SP4: variants seen among roughly 807,000 people sequenced by gnomAD.
SP4 encodes the protein transcription factor Sp4.
In SP4, 19 loss-of-function variants were observed where a neutral mutation model predicts 72.8. The ratio of observed to expected loss-of-function variants is 0.26; its 90% CI spans 0.18 to 0.38. The LOEUF is 0.38. Among genes scored for constraint, SP4 ranks in the 10% least tolerant of loss-of-function variants. The pLI is 1.00. For missense variants in SP4, 1,008 were observed against 926.3 expected, an observed-to-expected ratio of 1.09 and a Z score of -1.14; for synonymous variants, 395 against 333.1, an observed-to-expected ratio of 1.19 and a Z score of -2.02.
chr7:21,473,085 C>CT (rs1562610468), intron 3 of SP4, among the ~76,000 whole-genome samples: 1 of 152,132 alleles, frequency 6.6e-6, no homozygotes, highest in Non-Finnish European at 1.5e-5. Context: ...CAGAACACTA[C>CT]TTTTTTATTT....
intron 5 of SP4, among the ~76,000 whole-genome samples, chr7:21,494,683 A>G (rs1348638962): frequency 1.3e-5 from 2 of 152,212 alleles, no homozygotes; most frequent in African/African-American, 2.4e-5. Flanking sequence ...ATGGCCCAAT[A>G]TTGTTTCCAT....
rs1465064960 is a variant in SP4 at position 21,514,448 on chromosome 7, T to C, written c.*3179T>C. On this transcript the variant is annotated 3_prime_UTR_variant, in exon 6 of 6. Transcript: ENST00000222584. The stretch of plus-strand genomic sequence containing the variant: ...CTACATAATGATTTTAAAACAGAAA[T>C]AGTTGATGGTAAAATGTAAATGTTT... The C allele has an allele frequency of 1.3e-5, 2 of 151,570 alleles. No individual in the cohort carries two copies. The highest frequency in any genetic ancestry group is 2.4e-5 in the African/African-American group (1 of 41,036). 9.4% of individuals were successfully genotyped at this position (151,570 alleles called of 1,614,324 possible). A position where few individuals can be genotyped will look rare whatever the true frequency, so the allele number is the denominator to read the frequency against.
chr7:21,491,822 C>G (rs1337785469), intron 5 of SP4, among the ~76,000 whole-genome samples: 2 of 152,064 alleles, frequency 1.3e-5, no homozygotes, highest in East Asian at 1.9e-4. Flanking sequence ...AAGATACTTC[C>G]AAAGGAAAAC....
Position 21,428,199 on chromosome 7 carries a change from C to CCCCCCCCCACAA in SP4, c.-53_-52insCCCCCCCCACAA. 1 of 1,119,140 alleles carries CCCCCCCCCACAA rather than the reference C, an allele frequency of 8.9e-7. No individual in the cohort carries two copies. The allele number at this position is 1,119,140 out of a possible 1,614,324, so 69.3% of individuals were successfully genotyped here. A position where few individuals can be genotyped will look rare whatever the true frequency, so the allele number is the denominator to read the frequency against. ...TCTCCTCCCGCCTCGCCCCCACCCCCACCCACCTCTATCCCAGTGTCTCCG... is the reference window on the plus strand; with the variant it reads ...TCTCCTCCCGCCTCGCCCCCACCCCCCCCCCCCCACAAACCCACCTCTATCCCAGTGTCTCCG... On this transcript the variant is annotated 5_prime_UTR_variant, in exon 1 of 6. Coordinates refer to ENST00000222584, the MANE Select transcript of SP4 (RefSeq NM_003112.5).
At chr7:21,437,086 T>TA (rs1303049456) in intron 3 of SP4, among the ~76,000 whole-genome samples, 1 of 152,206 alleles carries the variant, frequency 6.6e-6, no homozygotes, top group Non-Finnish European at 1.5e-5. Flanking sequence ...ATCAATAACT[T>TA]AAAATTTATG....
At chr7:21,486,674 CATT>C (rs1182724594) in intron 5 of SP4, among the ~76,000 whole-genome samples, 3 of 152,110 alleles carry the variant, frequency 2.0e-5, no homozygotes, top group African/African-American at 7.2e-5. Context: ...GTGATTATCT[CATT>C]ATTGGTGATG....
intron 3 of SP4, among the ~76,000 whole-genome samples, chr7:21,460,031 T>C (rs1483579793): frequency 6.6e-6 from 1 of 152,202 alleles, no homozygotes; most frequent in Non-Finnish European, 1.5e-5. Context: ...ATGAATCTTC[T>C]GAGAGCCAGG....
chr7:21,448,851 A>G (rs375442379), intron 3 of SP4, among the ~76,000 whole-genome samples: 5 of 152,330 alleles, frequency 3.3e-5, no homozygotes, highest in African/African-American at 1.2e-4. Context: ...TATATAGTGC[A>G]TGTTCAGTAA....
intron 4 of SP4, among the ~76,000 whole-genome samples, chr7:21,478,153 A>G (rs754265177): frequency 2.3e-4 from 35 of 152,198 alleles, no homozygotes; most frequent in Non-Finnish European, 4.6e-4. Context: ...TTCTTTTAGC[A>G]TAATGTTTTC....
intron 3 of SP4, among the ~76,000 whole-genome samples, chr7:21,431,441 A>G (rs768762174): frequency 3.3e-5 from 5 of 152,228 alleles, no homozygotes; most frequent in Non-Finnish European, 5.9e-5. Context: ...TTATGCTACT[A>G]TCAGGATTTG....
At chr7:21,483,721 T>C (rs1174557796) in intron 5 of SP4, among the ~76,000 whole-genome samples, 1 of 151,906 alleles carries the variant, frequency 6.6e-6, no homozygotes, top group East Asian at 1.9e-4. Context: ...ACCAATGCTC[T>C]TACTATATTA....
At chr7:21,486,281 G>A (rs771474934) in intron 5 of SP4, among the ~76,000 whole-genome samples, 13 of 151,552 alleles carry the variant, frequency 8.6e-5, no homozygotes, top group East Asian at 7.7e-4. Context: ...CATAGAGTTC[G>A]CATATCATTC....
At chr7:21,431,935 A>G (rs757700607) in intron 3 of SP4, among the ~76,000 whole-genome samples, 26 of 152,234 alleles carry the variant, frequency 1.7e-4, no homozygotes, top group Admixed American at 3.9e-4. Flanking sequence ...TGAAGTAGGC[A>G]TATATATGTA....
intron 3 of SP4, among the ~76,000 whole-genome samples, chr7:21,450,006 A>T (rs1042763330): frequency 6.6e-6 from 1 of 151,894 alleles, no homozygotes; most frequent in African/African-American, 2.4e-5. Context: ...TAATATAGTT[A>T]TTTATATTTT....
In SP4 at chr7:21,430,264, G is replaced by A; in HGVS notation, c.1099G>A (p.Ala367Thr). 1.9e-6 allele frequency: 3 copies of A among 1,614,232 alleles called. No homozygotes were observed. Among genetic ancestry groups the A allele is most frequent in the Non-Finnish European group, 2.5e-6 (3 of 1,180,050 alleles). Residue 367 changes from alanine (A) to threonine (T), a missense_variant, in exon 3 of 6, where the codon GCT (alanine) becomes ACT (threonine). By Grantham distance (58) the Ala-to-Thr change is moderately conservative. Around this residue, in one of 3 missense-constraint regions of SP4, gnomAD observed 893 missense variants for 743.3 expected, o/e 1.20. Transcript: ENST00000222584. Reference protein sequence around the residue: ...RTIEESQTPAATESEAQSSSQ... With the variant: ...RTIEESQTPATTESEAQSSSQ... ...CATTGAAGAATCTCAAACACCTGCTGCTACTGAGTCTGAAGCCCAGAGCTC... is the reference window on the plus strand; with the variant it reads ...CATTGAAGAATCTCAAACACCTGCTACTACTGAGTCTGAAGCCCAGAGCTC...
At chr7:21,459,785 C>G (rs538717426) in intron 3 of SP4, among the ~76,000 whole-genome samples, 1 of 152,340 alleles carries the variant, frequency 6.6e-6, no homozygotes, top group East Asian at 1.9e-4. Flanking sequence ...CTTACCACTT[C>G]TCAACTGCAT....
intron 5 of SP4, among the ~76,000 whole-genome samples, chr7:21,491,352 A>G (rs925320689): frequency 3.3e-5 from 5 of 152,222 alleles, no homozygotes; most frequent in African/African-American, 1.2e-4. Flanking sequence ...ACCACTGGAA[A>G]TTATAAAATC....
At chr7:21,479,263 TG>T (rs1036019333) in intron 4 of SP4, among the ~76,000 whole-genome samples, 4 of 140,532 alleles carry the variant, frequency 2.8e-5, no homozygotes, top group Non-Finnish European at 5.9e-5. Flanking sequence ...GATTCCTAGT[TG>T]TTTTTTTTTT....
At chr7:21,489,553 C>CTTTT (rs1193080485) in intron 5 of SP4, among the ~76,000 whole-genome samples, 6 of 82,514 alleles carry the variant, frequency 7.3e-5, no homozygotes, top group Non-Finnish European at 1.4e-4. Context: ...TTTCTTTTTT[C>CTTTT]TTTTTTTTTT....
Sources: gnomAD v4.1 joint callset for allele counts (sites outside exome capture counted in the v4.1 genomes callset) on GRCh38, gnomAD v4.1.1 for gene constraint, gnomAD v4.1.1 regional missense constraint, MANE v1.5 for transcripts, NCBI Gene and HGNC (gene_info 2026-07-23, HGNC 2026-07-21) for gene names.